Variants in ITPR2 observed in about 807,000 individuals in gnomAD.
ITPR2 encodes inositol 1,4,5-trisphosphate receptor type 2.
A neutral mutation model predicts 317.1 loss-of-function variants in ITPR2; 207 were observed. That is an observed-to-expected ratio of 0.65 (90% CI 0.58 to 0.73). The LOEUF (loss-of-function observed/expected upper bound fraction) is 0.73, where lower values mean the gene tolerates loss of function less well. Among genes scored for constraint, ITPR2 ranks in the 30% least tolerant of loss-of-function variants. The pLI, the probability that ITPR2 is intolerant of heterozygous loss-of-function variation, is 0.00. For missense variants in ITPR2, 2,613 were observed against 3,284.0 expected (o/e 0.80, Z 4.99); for synonymous variants, 1,156 against 1,149.1 (o/e 1.01, Z -0.12).
intron 13 of ITPR2, among the ~76,000 whole-genome samples, chr12:26,678,340 G>T (rs546935524): frequency 6.6e-6 from 1 of 151,988 alleles, no homozygotes; most frequent in South Asian, 2.1e-4. Context: ...AATGTTGAGG[G>T]TCTTGAAGCA....
intron 51 of ITPR2, among the ~76,000 whole-genome samples, chr12:26,414,037 A>G (rs1940636982): frequency 7.7e-6 from 1 of 129,210 alleles, no homozygotes; most frequent in Non-Finnish European, 1.6e-5. Flanking sequence ...CAGATAGTCT[A>G]CATGTATATA....
intron 45 of ITPR2, among the ~76,000 whole-genome samples, chr12:26,471,910 C>T (rs1565545484): frequency 6.6e-6 from 1 of 152,206 alleles, no homozygotes; most frequent in Admixed American, 6.5e-5. Context: ...GCAGTGCTTA[C>T]AAGCAACCAC....
Position 26,597,158 on chromosome 12 carries a change from A to G in ITPR2, c.4003-24T>C, listed in dbSNP as rs374167505. On this transcript the variant is annotated intron_variant, in intron 30 of 56. Transcript: ENST00000381340. ...AACTGAAATGATAATAAGAGAGTCT[A>G]TGTAGCAGTCCGAACATTCATCCTT... The G allele has an allele frequency of 5.0e-6, 8 of 1,612,354 alleles. No homozygotes were observed. In the African/African-American group the frequency reaches 9.3e-5, roughly 19 times the overall value.
At chr12:26,494,908 G>T (rs2136873043) in intron 38 of ITPR2, among the ~76,000 whole-genome samples, 1 of 148,354 alleles carries the variant, frequency 6.7e-6, no homozygotes, top group East Asian at 2.1e-4. Flanking sequence ...GCTTTATTTT[G>T]TCCTTAATTT....
chr12:26,719,435 C>T (rs1162616647), intron 5 of ITPR2, among the ~76,000 whole-genome samples: 1 of 152,086 alleles, frequency 6.6e-6, no homozygotes, highest in East Asian at 1.9e-4. Context: ...TCTGTTGATT[C>T]TATGTAAGAG....
At chr12:26,344,655 C>T (rs939867831) in intron 55 of ITPR2, among the ~76,000 whole-genome samples, 23 of 133,626 alleles carry the variant, frequency 1.7e-4, no homozygotes, top group African/African-American at 5.8e-4. Flanking sequence ...TCCCTACACT[C>T]TCTTTTTTCA....
intron 45 of ITPR2, among the ~76,000 whole-genome samples, chr12:26,453,857 G>A (rs1303898957): frequency 1.3e-5 from 2 of 152,202 alleles, no homozygotes; most frequent in Non-Finnish European, 2.9e-5. Flanking sequence ...ATGCGAGTAT[G>A]AAATATTCTT....
At chr12:26,423,132 T>C (rs1262786916) in intron 49 of ITPR2, among the ~76,000 whole-genome samples, 2 of 152,204 alleles carry the variant, frequency 1.3e-5, no homozygotes, top group African/African-American at 4.8e-5. Flanking sequence ...CAGTTTTCTG[T>C]TTCTGCAACT....
chr12:26,678,410 G>GAC (rs945799801), intron 13 of ITPR2, among the ~76,000 whole-genome samples: 3 of 127,136 alleles, frequency 2.4e-5, no homozygotes, highest in African/African-American at 9.2e-5. Context: ...AAAAAGGGAA[G>GAC]ACAGAGAGAG....
intron 6 of ITPR2, 50 bp downstream of exon 6, chr12:26,716,090 CCTCT>C (rs1277942856): frequency 3.4e-6 from 4 of 1,170,330 alleles, no homozygotes; most frequent in Non-Finnish European, 2.5e-6. Flanking sequence ...CTTTTTTCTC[CCTCT>C]GTCTCATGAG....
chr12:26,654,144 A>AAAAAAAT lies in ITPR2; in HGVS notation c.2590-19_2590-18insATTTTTT. The AAAAAAAT allele has an allele frequency of 8.3e-7, 1 of 1,204,824 alleles. No individual in the cohort carries two copies. Among genetic ancestry groups the AAAAAAAT allele is most frequent in the Non-Finnish European group, 1.1e-6 (1 of 887,054 alleles). 74.6% of individuals were successfully genotyped at this position (1,204,824 alleles called of 1,614,324 possible). ...TGGACCACCTTAATAAAAAAAAAAA[A>AAAAAAAT]GCGGGGAGGGGGAGGGTGAAAGAGT... On this transcript the variant is annotated intron_variant, in intron 20 of 56. Coordinates refer to ENST00000381340, the MANE Select transcript of ITPR2 (RefSeq NM_002223.4).
chr12:26,556,544 G>T (rs1039555240), intron 35 of ITPR2, among the ~76,000 whole-genome samples, 169 bp from the exon 36 acceptor site: 1 of 134,898 alleles, frequency 7.4e-6, no homozygotes, highest in African/African-American at 2.8e-5. Context: ...TAAGAATATT[G>T]CCTGGGTCTC....
intron 13 of ITPR2, among the ~76,000 whole-genome samples, chr12:26,670,294 A>AC (rs914459672): frequency 6.6e-6 from 1 of 151,938 alleles, no homozygotes; most frequent in African/African-American, 2.4e-5. Context: ...ACTGGGAGGC[A>AC]CCCCCCAGTA....
intron 1 of ITPR2, among the ~76,000 whole-genome samples, chr12:26,812,681 A>G (rs918948904): frequency 6.6e-6 from 1 of 152,220 alleles, no homozygotes; most frequent in African/African-American, 2.4e-5. Flanking sequence ...TCATTTCTTA[A>G]CTCCAAAGGA....
intron 32 of ITPR2, among the ~76,000 whole-genome samples, chr12:26,589,655 C>T (rs1265399055): frequency 2.7e-5 from 4 of 149,252 alleles, no homozygotes; most frequent in Non-Finnish European, 6.0e-5. Context: ...GGCGTGGTGG[C>T]GGGGGCCTAT....
In ITPR2 at chr12:26,339,463, A is replaced by G. The variant is rs761134735; in HGVS notation, c.8040T>C (p.Asn2680=). The part of the protein sequence containing the change: ...LKEQMTEQRK[N]KQRLGFLGSN... ...ATCCGAGGAAGCCCAGTCTCTGCTT[A>G]TTCTTCCTTTGTTCTGTCATCTGGG... The change falls in exon 57 of 57, where the codon AAT becomes AAC. Residue 2680 remains asparagine (N), a synonymous_variant. Coordinates refer to ENST00000381340, the MANE Select transcript of ITPR2 (RefSeq NM_002223.4). 17 of 1,613,666 alleles carry G rather than the reference A, an allele frequency of 1.1e-5. No individual in the cohort carries two copies. Among genetic ancestry groups the G allele is most frequent in the South Asian group, 4.4e-5 (4 of 91,076 alleles).
intron 32 of ITPR2, among the ~76,000 whole-genome samples, chr12:26,584,551 G>A (rs973756392): frequency 3.3e-5 from 5 of 151,998 alleles, no homozygotes; most frequent in Non-Finnish European, 5.9e-5. Flanking sequence ...AAGGATGATC[G>A]TCTATGGTAA....
At chr12:26,562,101 A>C (rs1190191218) in intron 34 of ITPR2, 149 bp from the exon 35 acceptor site, 1 of 541,644 alleles carries the variant, frequency 1.8e-6, no homozygotes, top group Non-Finnish European at 3.0e-6. Flanking sequence ...AAAGCTTCTA[A>C]CCTGAATGTA....
At chr12:26,746,074 C>T (rs1949317292) in intron 2 of ITPR2, among the ~76,000 whole-genome samples, 1 of 152,028 alleles carries the variant, frequency 6.6e-6, no homozygotes, top group Admixed American at 6.6e-5. Flanking sequence ...AAAGACTACA[C>T]ATTAAATTTC....
Sources: gnomAD v4.1 joint callset for allele counts (sites outside exome capture counted in the v4.1 genomes callset) on GRCh38, gnomAD v4.1.1 for gene constraint, MANE v1.5 for transcripts, NCBI Gene and HGNC (gene_info 2026-07-23, HGNC 2026-07-21) for gene names.